PDE6D: variants seen among roughly 807,000 people sequenced by gnomAD.
The protein encoded by PDE6D is phosphodiesterase 6D.
PDE6D carries 10 observed loss-of-function variants against 21.9 expected under a neutral mutation model. The ratio of observed to expected loss-of-function variants is 0.46; its 90% CI spans 0.28 to 0.78. PDE6D has a LOEUF of 0.78. PDE6D is among the 30% of genes least tolerant of loss of function. The probability of loss-of-function intolerance (pLI) is 0.12; values close to 1 mark genes in which losing one functional copy is unlikely to be tolerated. For synonymous variants in PDE6D, 59 were observed against 63.5 expected (o/e 0.93, Z 0.34); for missense variants, 139 against 184.8 (o/e 0.75, Z 1.44).
chr2:231,749,056 C>T (rs1321415244), intron 1 of PDE6D, among the ~76,000 whole-genome samples: 1 of 152,174 alleles, frequency 6.6e-6, no homozygotes. Context: ...GGGGCACTGC[C>T]TAGTGGAGCT....
At chr2:231,744,195 C>G (rs973749339) in intron 1 of PDE6D, among the ~76,000 whole-genome samples, 2 of 152,200 alleles carry the variant, frequency 1.3e-5, no homozygotes, top group African/African-American at 4.8e-5. Flanking sequence ...AAAAGCACTA[C>G]TGTGACTGGC....
At chr2:231,747,516 T>A (rs1298353321) in intron 1 of PDE6D, among the ~76,000 whole-genome samples, 1 of 152,248 alleles carries the variant, frequency 6.6e-6, no homozygotes, top group Non-Finnish European at 1.5e-5. Flanking sequence ...TTATTATCAA[T>A]GACAATTAAT....
intron 1 of PDE6D, among the ~76,000 whole-genome samples, chr2:231,766,728 C>T (rs1240380281): frequency 6.6e-6 from 1 of 152,140 alleles, no homozygotes; most frequent in Non-Finnish European, 1.5e-5. Context: ...CATGGTGGCT[C>T]ATGCCTATTA....
intron 1 of PDE6D, among the ~76,000 whole-genome samples, chr2:231,763,163 A>G (rs754793208): frequency 3.1e-4 from 47 of 152,174 alleles, no homozygotes; most frequent in South Asian, 4.1e-4. Context: ...TCAAAACTAT[A>G]TTTTGCAGAA....
chr2:231,779,987 G>A (rs747376690), intron 1 of PDE6D, among the ~76,000 whole-genome samples: 1 of 152,198 alleles, frequency 6.6e-6, no homozygotes, highest in Non-Finnish European at 1.5e-5. Flanking sequence ...CCTTTTCACT[G>A]AGGGAGCAAT....
At chr2:231,763,063 A>G (rs2048944438) in intron 1 of PDE6D, among the ~76,000 whole-genome samples, 1 of 152,230 alleles carries the variant, frequency 6.6e-6, no homozygotes, top group South Asian at 2.1e-4. Context: ...AATCCTAGCT[A>G]CTATAGATCT....
At chr2:231,750,475 A>G (rs555587779) in intron 1 of PDE6D, among the ~76,000 whole-genome samples, 116 of 147,122 alleles carry the variant, frequency 7.9e-4, no homozygotes, top group African/African-American at 2.7e-3. Context: ...TATTTCATCC[A>G]TATCACTTTT....
intron 1 of PDE6D, among the ~76,000 whole-genome samples, chr2:231,750,159 T>C (rs2048826386): frequency 6.6e-6 from 1 of 152,124 alleles, no homozygotes; most frequent in Non-Finnish European, 1.5e-5. Context: ...TTCCTCATTT[T>C]CTCTTGCTGC....
At chr2:231,767,192 A>C (rs1343063806) in intron 1 of PDE6D, among the ~76,000 whole-genome samples, 1 of 152,180 alleles carries the variant, frequency 6.6e-6, no homozygotes, top group East Asian at 1.9e-4. Context: ...TTTAAAGCAA[A>C]GGTAAATAAT....
At position 231,740,977 on chromosome 2, in the gene PDE6D, G is replaced by A. The variant is rs940380154; in HGVS notation, c.51-1789C>T. Among the ~76,000 whole-genome samples, 71 of 150,638 alleles carry A rather than the reference G, an allele frequency of 4.7e-4. 1 individual carries two copies. Among genetic ancestry groups the A allele is most frequent in the Non-Finnish European group, 1.3e-4 (9 of 67,550 alleles). The stretch of plus-strand genomic sequence containing the variant: ...AACATGGAGAAACCCCATCTCTACC[G>A]AAAACACAAAATTAGCCAGACGTGG... On this transcript the variant is annotated intron_variant, in intron 1 of 4. Transcript: ENST00000287600.
intron 1 of PDE6D, among the ~76,000 whole-genome samples, chr2:231,749,126 T>G (rs2048817608): frequency 6.6e-6 from 1 of 152,148 alleles, no homozygotes; most frequent in Non-Finnish European, 1.5e-5. Context: ...ACTTGCACCG[T>G]GCACCTGGAA....
chr2:231,738,919 CAAAA>C (rs1157734125), intron 2 of PDE6D, among the ~76,000 whole-genome samples, 177 bp downstream of exon 2: 51 of 62,658 alleles, frequency 8.1e-4, no homozygotes, highest in African/African-American at 1.1e-3. Flanking sequence ...GACTGTGTCT[CAAAA>C]AAAAAAAAAA....
chr2:231,772,280 C>T (rs2049021664), intron 1 of PDE6D, among the ~76,000 whole-genome samples: 2 of 152,192 alleles, frequency 1.3e-5, no homozygotes, highest in Non-Finnish European at 2.9e-5. Flanking sequence ...CCACTTTCCC[C>T]TGCCTCCCTT....
At chr2:231,767,962 C>T (rs1223609899) in intron 1 of PDE6D, among the ~76,000 whole-genome samples, 1 of 151,814 alleles carries the variant, frequency 6.6e-6, no homozygotes, top group Admixed American at 6.6e-5. Context: ...ACTCCTACCT[C>T]AGCCTCCCGA....
At chr2:231,752,443 A>G (rs925308512) in intron 1 of PDE6D, among the ~76,000 whole-genome samples, 1 of 152,238 alleles carries the variant, frequency 6.6e-6, no homozygotes, top group African/African-American at 2.4e-5. Context: ...ACACGATATA[A>G]GCAAGTGTAG....
intron 1 of PDE6D, among the ~76,000 whole-genome samples, chr2:231,754,208 T>C (rs2048865047): frequency 6.6e-6 from 1 of 152,144 alleles, no homozygotes; most frequent in Non-Finnish European, 1.5e-5. Context: ...ATTATTGTTA[T>C]CAGAGGCTGG....
intron 1 of PDE6D, among the ~76,000 whole-genome samples, chr2:231,756,959 A>G (rs912776900): frequency 8.6e-5 from 13 of 151,480 alleles, no homozygotes; most frequent in Non-Finnish European, 1.5e-4. Context: ...TCGCTTCCAG[A>G]TATCTTTTCT....
intron 1 of PDE6D, among the ~76,000 whole-genome samples, chr2:231,772,273 C>T (rs760679542): frequency 6.6e-6 from 1 of 152,174 alleles, no homozygotes. Flanking sequence ...ACCAGCTCCA[C>T]TTTCCCCTGC....
chr2:231,769,974 C>G (rs1313510038), intron 1 of PDE6D, among the ~76,000 whole-genome samples: 3 of 152,162 alleles, frequency 2.0e-5, no homozygotes, highest in Non-Finnish European at 2.9e-5. Context: ...CAAAATGAAA[C>G]TGAAATAAGC....
Sources: allele counts gnomAD v4.1 joint callset (sites outside exome capture counted in the v4.1 genomes callset), GRCh38; gene constraint gnomAD v4.1.1; transcripts MANE v1.5; gene names NCBI Gene and HGNC (gene_info 2026-07-23, HGNC 2026-07-21).